Variants in CACNA2D3 observed in about 807,000 individuals in gnomAD.
The protein encoded by CACNA2D3 is calcium voltage-gated channel auxiliary subunit alpha2delta 3.
CACNA2D3 carries 60 observed loss-of-function variants against 160.6 expected under a neutral mutation model. That is an observed-to-expected ratio of 0.37 (90% CI 0.30 to 0.46). The LOEUF (loss-of-function observed/expected upper bound fraction) is 0.46. Ranked by LOEUF, CACNA2D3 falls within the 20% of genes least tolerant of loss-of-function variation. The pLI is 1.00. For missense variants in CACNA2D3, 1,205 were observed against 1,365.0 expected (o/e 0.88, Z 1.85); for synonymous variants, 558 against 492.9 (o/e 1.13, Z -1.75).
At position 54,736,104 on chromosome 3, in the gene CACNA2D3, T is replaced by C. The variant is rs374897481; in HGVS notation, c.1168-16495T>C. 1.6e-3 allele frequency among the ~76,000 whole-genome samples: 33 copies of C among 21,044 alleles called. 1 individual carries two copies. The highest frequency in any genetic ancestry group is 3.3e-3 in the South Asian group (2 of 614). The allele number at this position is 21,044 out of a possible 152,430, so 13.8% of individuals were successfully genotyped here. A position where few individuals can be genotyped will look rare whatever the true frequency, so the allele number is the denominator to read the frequency against. On this transcript the variant is annotated intron_variant, in intron 11 of 37. Transcript: ENST00000474759. ...ATATGTATGTGTATATATATACATATATATGTATATATATACATATATATA... is the reference window on the plus strand; with the variant it reads ...ATATGTATGTGTATATATATACATACATATGTATATATATACATATATATA...
chr3:54,768,973 C>T (rs1393280596), intron 13 of CACNA2D3, among the ~76,000 whole-genome samples: 5 of 152,140 alleles, frequency 3.3e-5, no homozygotes, highest in African/African-American at 1.2e-4. Context: ...GGGAGTCTGT[C>T]TTCCTCTTTG....
intron 16 of CACNA2D3, among the ~76,000 whole-genome samples, chr3:54,844,155 C>T (rs1374452167): frequency 1.3e-5 from 2 of 151,974 alleles, no homozygotes; most frequent in African/African-American, 2.4e-5. Flanking sequence ...GGACAAAGAT[C>T]CTGTGAAAAG....
At chr3:54,367,481 T>G (rs1698846409) in intron 3 of CACNA2D3, 1 of 197,096 alleles carries the variant, frequency 5.1e-6, no homozygotes, top group Admixed American at 6.0e-5. Context: ...GACCACCCAT[T>G]ATTTAATCTC....
At chr3:54,541,005 T>C (rs1317685173) in intron 5 of CACNA2D3, among the ~76,000 whole-genome samples, 23 of 152,020 alleles carry the variant, frequency 1.5e-4, no homozygotes, top group South Asian at 6.2e-4. Flanking sequence ...AGGCCGAGCG[T>C]GGTGGCTCAC....
At position 54,274,115 on chromosome 3, in the gene CACNA2D3, C is replaced by T. The variant is rs138028561; in HGVS notation, c.205-46327C>T. Among the ~76,000 whole-genome samples the T allele has an allele frequency of 1.8e-3, 281 of 152,034 alleles. 1 individual carries two copies. The highest frequency in any genetic ancestry group is 0.015 in the South Asian group (72 of 4,796). ...CCTTCTCTTATGACTCTAACATTTA[C>T]CCCATTCCTTAAAAAAATCTGCTGT... On this transcript the variant is annotated intron_variant, in intron 2 of 37. Coordinates refer to ENST00000474759, the MANE Select transcript of CACNA2D3 (RefSeq NM_018398.3).
intron 17 of CACNA2D3, among the ~76,000 whole-genome samples, chr3:54,866,461 G>A (rs1246374126): frequency 2.6e-5 from 4 of 152,206 alleles, no homozygotes; most frequent in African/African-American, 7.2e-5. Context: ...GTCAGCCCTC[G>A]GTCACACCCC....
intron 9 of CACNA2D3, among the ~76,000 whole-genome samples, chr3:54,585,986 C>G (rs942493487): frequency 6.6e-6 from 1 of 151,704 alleles, no homozygotes; most frequent in South Asian, 2.1e-4. Flanking sequence ...CATTTGAGGC[C>G]TGGCACAGTG....
chr3:54,448,635 G>A (rs1700258670), intron 4 of CACNA2D3, among the ~76,000 whole-genome samples: 1 of 152,178 alleles, frequency 6.6e-6, no homozygotes, highest in South Asian at 2.1e-4. Flanking sequence ...CGAGTCAGCA[G>A]CCTTCATGTT....
intron 35 of CACNA2D3, among the ~76,000 whole-genome samples, chr3:55,050,606 A>G (rs1045952270): frequency 7.2e-6 from 1 of 138,500 alleles, no homozygotes; most frequent in African/African-American, 2.8e-5. Flanking sequence ...CTCGAGGAGT[A>G]TCTTTGTGGC....
intron 27 of CACNA2D3, among the ~76,000 whole-genome samples, chr3:54,935,559 T>G (rs1261371973): frequency 6.6e-6 from 1 of 152,186 alleles, no homozygotes; most frequent in Non-Finnish European, 1.5e-5. Context: ...AGTGGCTACT[T>G]TTGTCTGTGC....
chr3:54,801,227 A>T (rs2106671306), intron 13 of CACNA2D3, among the ~76,000 whole-genome samples: 1 of 152,190 alleles, frequency 6.6e-6, no homozygotes, highest in South Asian at 2.1e-4. Flanking sequence ...ACCTCAAGTG[A>T]TCTGCCCATT....
At chr3:54,767,324 C>G (rs1007564214) in intron 13 of CACNA2D3, among the ~76,000 whole-genome samples, 2 of 152,152 alleles carry the variant, frequency 1.3e-5, no homozygotes, top group Non-Finnish European at 2.9e-5. Flanking sequence ...ACAATACTTT[C>G]ACTCTCTACC....
At chr3:54,514,017 A>C (rs1701503906) in intron 5 of CACNA2D3, among the ~76,000 whole-genome samples, 1 of 152,240 alleles carries the variant, frequency 6.6e-6, no homozygotes, top group African/African-American at 2.4e-5. Flanking sequence ...GGCAAATGGA[A>C]GGCCCTGTTT....
chr3:54,928,306 A>C (rs1701085956), intron 27 of CACNA2D3, among the ~76,000 whole-genome samples: 1 of 152,044 alleles, frequency 6.6e-6, no homozygotes, highest in Non-Finnish European at 1.5e-5. Flanking sequence ...TTGATTATTT[A>C]ATCTGCTTGA....
chr3:54,983,515 C>A (rs914589697), intron 29 of CACNA2D3, among the ~76,000 whole-genome samples: 2 of 152,212 alleles, frequency 1.3e-5, no homozygotes, highest in African/African-American at 4.8e-5. Context: ...AGTAATTCAT[C>A]TGATCCCTTT....
At chr3:54,665,918 C>T (rs1019721005) in intron 11 of CACNA2D3, among the ~76,000 whole-genome samples, 1 of 152,004 alleles carries the variant, frequency 6.6e-6, no homozygotes, top group Non-Finnish European at 1.5e-5. Flanking sequence ...ACTCCTACCT[C>T]AGCCTCCTGA....
chr3:54,813,670 G>A (rs1703383536), intron 13 of CACNA2D3, among the ~76,000 whole-genome samples: 1 of 151,890 alleles, frequency 6.6e-6, no homozygotes, highest in Non-Finnish European at 1.5e-5. Flanking sequence ...ACAGGTTAGA[G>A]GACTTCACAC....
At chr3:54,154,514 C>T (rs558238880) in intron 2 of CACNA2D3, among the ~76,000 whole-genome samples, 24 of 147,220 alleles carry the variant, frequency 1.6e-4, no homozygotes, top group Admixed American at 9.5e-4. Flanking sequence ...ATGCCGCAAA[C>T]GCCCCTTACT....
chr3:54,848,792 C>A (rs1402159198), intron 17 of CACNA2D3, among the ~76,000 whole-genome samples: 4 of 152,234 alleles, frequency 2.6e-5, no homozygotes, highest in Non-Finnish European at 5.9e-5. Context: ...ATCACACAGG[C>A]TCCCTGAGCT....
Sources: allele counts gnomAD v4.1 joint callset (sites outside exome capture counted in the v4.1 genomes callset), GRCh38; gene constraint gnomAD v4.1.1; transcripts MANE v1.5; gene names NCBI Gene and HGNC (gene_info 2026-07-23, HGNC 2026-07-21).